Variants in FAM210B observed in about 807,000 individuals in gnomAD.
FAM210B encodes family with sequence similarity 210 member B.
Under a neutral mutation model 14.9 loss-of-function variants are expected in FAM210B, and 11 were observed. The observed-to-expected ratio is 0.74, with a 90% CI of 0.46 to 1.22. The LOEUF (loss-of-function observed/expected upper bound fraction) is 1.22. Among genes scored for constraint, FAM210B ranks in the 50% most tolerant of loss-of-function variants. The pLI is 0.00. For missense variants in FAM210B, 229 were observed against 250.1 expected (o/e 0.92, Z 0.57); for synonymous variants, 113 against 110.2 (o/e 1.03, Z -0.16).
rs180959080 is a variant in FAM210B, at chr20:56,362,096, C to T, written c.186+2905C>T. Among the ~76,000 whole-genome samples, 87 of 152,162 alleles carry T rather than the reference C, an allele frequency of 5.7e-4. No individual in the cohort carries two copies. The highest frequency in any genetic ancestry group is 2.0e-3 in the African/African-American group (83 of 41,504). ...TGTTAGGATTACAAGCATGAGTCAC[C>T]GTGCCCAGCCAATATTTTCAAAGTA... On this transcript the variant is annotated intron_variant, in intron 1 of 2. Transcript: ENST00000371384. The surrounding 1 kb of genome is among the most constrained non-coding windows in gnomAD (Gnocchi z 4.8).
rs1983478307 is a variant in FAM210B, at chr20:56,359,061, G to A, written c.56G>A (p.Arg19Gln). 7.4e-7 allele frequency: 1 copy of A among 1,355,494 alleles called. No homozygotes were observed. The highest frequency in any genetic ancestry group is 3.4e-5 in the East Asian group (1 of 29,620). 84.0% of individuals were successfully genotyped at this position (1,355,494 alleles called of 1,614,324 possible). Residue 19 changes from arginine to glutamine, a missense_variant, in exon 1 of 3, where the codon CGG (arginine) becomes CAG (glutamine). This residue lies in a region of FAM210B where 144 missense variants were observed against 132.5 expected (regional missense o/e 1.09). Transcript: ENST00000371384. The surrounding 1 kb of genome is among the most constrained non-coding windows in gnomAD (Gnocchi z 4.3). Reference sequence around the variant, plus strand: ...GCAGGCAGGGTGGGCGCCCGGGTCCGGCCTCGCGCCACCTGGCTCCTGGGC... The same window carrying A: ...GCAGGCAGGGTGGGCGCCCGGGTCCAGCCTCGCGCCACCTGGCTCCTGGGC... Reference protein sequence around the residue: ...GPAGRVGARVRPRATWLLGAT... With the variant: ...GPAGRVGARVQPRATWLLGAT...
In FAM210B at chr20:56,359,275, C is replaced by T; in HGVS notation, c.186+84C>T. The T allele has an allele frequency of 8.4e-7, 1 of 1,184,592 alleles. No individual in the cohort carries two copies. The highest frequency in any genetic ancestry group is 1.0e-6 in the Non-Finnish European group (1 of 953,186). 73.4% of individuals were successfully genotyped at this position (1,184,592 alleles called of 1,614,324 possible). A position where few individuals can be genotyped will look rare whatever the true frequency, so the allele number is the denominator to read the frequency against. Reference sequence around the variant, plus strand: ...GGGCCGCGCCGGGGTCCGGCCGCCTCCGCCAAGGACGCCTTTGCACTTGTA... The same window carrying T: ...GGGCCGCGCCGGGGTCCGGCCGCCTTCGCCAAGGACGCCTTTGCACTTGTA... On this transcript the variant is annotated intron_variant, in intron 1 of 2. Coordinates refer to ENST00000371384, the MANE Select transcript of FAM210B (RefSeq NM_080821.3). The surrounding 1 kb of genome is among the most constrained non-coding windows in gnomAD (Gnocchi z 4.3).
At position 56,362,521 on chromosome 20, in the gene FAM210B, T is replaced by C. The variant is rs997815071; in HGVS notation, c.187-2566T>C. ...CAAGTCACGCCCTCATAAATTCTTTTATTTCAGCTTCTTTAGTCTCCCCAA... is the reference window on the plus strand; with the variant it reads ...CAAGTCACGCCCTCATAAATTCTTTCATTTCAGCTTCTTTAGTCTCCCCAA... On this transcript the variant is annotated intron_variant, in intron 1 of 2. Transcript: ENST00000371384. This position sits in a 1 kb window ranked among gnomAD's most constrained non-coding sequence, Gnocchi z 4.8. Among the ~76,000 whole-genome samples the C allele has an allele frequency of 6.6e-6, 1 of 152,234 alleles. No homozygotes were observed. Among genetic ancestry groups the C allele is most frequent in the Non-Finnish European group, 1.5e-5 (1 of 68,036 alleles).
At chr20:56,364,940 T>G in intron 1 of FAM210B, 147 bp from the exon 2 acceptor site, 1 of 734,376 alleles carries the variant, frequency 1.4e-6, no homozygotes, top group Non-Finnish European at 2.1e-6. Context: ...GATGACAGAG[T>G]GAGACTCTGT....
At position 56,366,064 on chromosome 20, in the gene FAM210B, C is replaced by T. The variant is rs527596624; in HGVS notation, c.363-7C>T. 1.1e-5 allele frequency: 17 copies of T among 1,609,812 alleles called. No individual in the cohort carries two copies. In the South Asian group the frequency reaches 1.9e-4, roughly 18 times the overall value. On this transcript the variant is annotated splice_region_variant and splice_polypyrimidine_tract_variant and intron_variant, in intron 2 of 2. Transcript: ENST00000371384. ...AATAATTGTTTTCTTTGCTTCTTCC[C>T]CCCTAGTGGTGTGGACATGCCTGCA...
Position 56,359,688 on chromosome 20 carries a change from T to C in FAM210B, c.186+497T>C, listed in dbSNP as rs920514800. On this transcript the variant is annotated intron_variant, in intron 1 of 2. Transcript: ENST00000371384. This position sits in a 1 kb window ranked among gnomAD's most constrained non-coding sequence, Gnocchi z 4.3. ...TATGTTTCATTTCCGTCACTTTCCATTGGTGCTAAGTGAAAACTGGTTTTC... is the reference window on the plus strand; with the variant it reads ...TATGTTTCATTTCCGTCACTTTCCACTGGTGCTAAGTGAAAACTGGTTTTC... Among the ~76,000 whole-genome samples the C allele has an allele frequency of 1.4e-4, 21 of 152,240 alleles. No homozygotes were observed. Among genetic ancestry groups the C allele is most frequent in the Admixed American group, 1.2e-3 (18 of 15,290 alleles).
Position 56,359,262 on chromosome 20 carries a change from G to T in FAM210B, c.186+71G>T, listed in dbSNP as rs1983485055. On this transcript the variant is annotated intron_variant, in intron 1 of 2. Transcript: ENST00000371384. The surrounding 1 kb of genome is among the most constrained non-coding windows in gnomAD (Gnocchi z 4.3). ...CCAGACGTCCGCAGGGCCGCGCCGG[G>T]GTCCGGCCGCCTCCGCCAAGGACGC... The T allele has an allele frequency of 1.7e-6, 2 of 1,205,186 alleles. No individual in the cohort carries two copies. Among genetic ancestry groups the T allele is most frequent in the African/African-American group, 3.2e-5 (2 of 63,398 alleles). The allele number at this position is 1,205,186 out of a possible 1,614,324, so 74.7% of individuals were successfully genotyped here. A position where few individuals can be genotyped will look rare whatever the true frequency, so the allele number is the denominator to read the frequency against.
In FAM210B at chr20:56,365,280, AATTAAT is replaced by A. The variant is rs1305477312; in HGVS notation, c.362+22_362+27del. On this transcript the variant is annotated intron_variant, in intron 2 of 2. Coordinates refer to ENST00000371384, the MANE Select transcript of FAM210B (RefSeq NM_080821.3). Reference sequence around the variant, plus strand: ...GTGTCAAGGTAAGATTTTTGACAGTAATTAATATTTGTTTTTTACTGTCATGTAAGA... The same window carrying A: ...GTGTCAAGGTAAGATTTTTGACAGTAATTTGTTTTTTACTGTCATGTAAGA... 6.2e-7 allele frequency: 1 copy of A among 1,603,086 alleles called. No homozygotes were observed.
chr20:56,364,080 G>A (rs139607043), intron 1 of FAM210B, among the ~76,000 whole-genome samples: 3 of 152,308 alleles, frequency 2.0e-5, no homozygotes, highest in Admixed American at 1.3e-4. Flanking sequence ...GAAAATGCTT[G>A]ATAAAGGATC....
Position 56,368,384 on chromosome 20 carries a change from G to A in FAM210B, c.*2097G>A, listed in dbSNP as rs1983697000. 6.6e-6 allele frequency: 1 copy of A among 152,070 alleles called. No individual in the cohort carries two copies. The highest frequency in any genetic ancestry group is 2.1e-4 in the South Asian group (1 of 4,800). The allele number at this position is 152,070 out of a possible 1,614,324, so 9.4% of individuals were successfully genotyped here. On this transcript the variant is annotated 3_prime_UTR_variant, in exon 3 of 3. Transcript: ENST00000371384. Reference sequence around the variant, plus strand: ...TGATGGTGAAACCTACAGGTTTAAGGGCTTAAATCTCAAACTTTGTTAGGA... The same window carrying A: ...TGATGGTGAAACCTACAGGTTTAAGAGCTTAAATCTCAAACTTTGTTAGGA...
In FAM210B at chr20:56,363,454, T is replaced by TA. The variant is rs1330190571; in HGVS notation, c.187-1627dup. On this transcript the variant is annotated intron_variant, in intron 1 of 2. Coordinates refer to ENST00000371384, the MANE Select transcript of FAM210B (RefSeq NM_080821.3). The surrounding 1 kb of genome is among the most constrained non-coding windows in gnomAD (Gnocchi z 4.1). ...CACTGAGGGTTTTCCTCAAATGTTC[T>TA]AAAAAATCTTATGCCTCTAAAAATA... Among the ~76,000 whole-genome samples the TA allele has an allele frequency of 6.6e-6, 1 of 152,164 alleles. No individual in the cohort carries two copies. The highest frequency in any genetic ancestry group is 1.9e-4 in the East Asian group (1 of 5,194).
In FAM210B at chr20:56,367,008, G is replaced by C. The variant is rs1983650275; in HGVS notation, c.*721G>C. The C allele has an allele frequency of 6.6e-6, 1 of 152,452 alleles. No individual in the cohort carries two copies. Among genetic ancestry groups the C allele is most frequent in the African/African-American group, 2.4e-5 (1 of 41,436 alleles). The allele number at this position is 152,452 out of a possible 1,614,324, so 9.4% of individuals were successfully genotyped here. A position where few individuals can be genotyped will look rare whatever the true frequency, so the allele number is the denominator to read the frequency against. On this transcript the variant is annotated 3_prime_UTR_variant, in exon 3 of 3. Transcript: ENST00000371384. Reference sequence around the variant, plus strand: ...CTGCCCAGTAGCAGTGGCATCGCTTGGTTCCTGATGCCCATGTTCCAGAGG... The same window carrying C: ...CTGCCCAGTAGCAGTGGCATCGCTTCGTTCCTGATGCCCATGTTCCAGAGG...
In FAM210B at chr20:56,360,581, CGTT is replaced by C. The variant is rs1344479859; in HGVS notation, c.186+1391_186+1393del. ...CAGGCCCCTCATCTGTAAAATGGGA[CGTT>C]AATAATTCAGACTTCATAGAATATG... On this transcript the variant is annotated intron_variant, in intron 1 of 2. Coordinates refer to ENST00000371384, the MANE Select transcript of FAM210B (RefSeq NM_080821.3). 3 of 198,066 alleles carry C rather than the reference CGTT, an allele frequency of 1.5e-5. No individual in the cohort carries two copies. In the East Asian group the frequency reaches 3.9e-4, roughly 25 times the overall value. 12.3% of individuals were successfully genotyped at this position (198,066 alleles called of 1,614,324 possible). A position where few individuals can be genotyped will look rare whatever the true frequency, so the allele number is the denominator to read the frequency against.
chr20:56,362,506 C>A lies in FAM210B; in HGVS notation c.187-2581C>A, dbSNP rs970172530. On this transcript the variant is annotated intron_variant, in intron 1 of 2. Transcript: ENST00000371384. The surrounding 1 kb of genome is among the most constrained non-coding windows in gnomAD (Gnocchi z 4.8). The stretch of plus-strand genomic sequence containing the variant: ...ATTTTCCATTGCCTGCAAGTCACGC[C>A]CTCATAAATTCTTTTATTTCAGCTT... Among the ~76,000 whole-genome samples, 7 of 152,098 alleles carry A rather than the reference C, an allele frequency of 4.6e-5. No homozygotes were observed. The highest frequency in any genetic ancestry group is 1.7e-4 in the African/African-American group (7 of 41,390).
intron 2 of FAM210B, among the ~76,000 whole-genome samples, chr20:56,365,708 G>C (rs1983620320): frequency 6.6e-6 from 1 of 152,216 alleles, no homozygotes; most frequent in African/African-American, 2.4e-5. Flanking sequence ...GTTTCACCCT[G>C]TTGGCCAGGA....
intron 1 of FAM210B, chr20:56,360,330 G>T: frequency 2.2e-6 from 1 of 447,358 alleles, no homozygotes. Flanking sequence ...GGTCTCGGAT[G>T]CCTCCACTGG....
At position 56,366,392 on chromosome 20, in the gene FAM210B, G is replaced by C; in HGVS notation, c.*105G>C. On this transcript the variant is annotated 3_prime_UTR_variant, in exon 3 of 3. Coordinates refer to ENST00000371384, the MANE Select transcript of FAM210B (RefSeq NM_080821.3). Reference sequence around the variant, plus strand: ...GTAGGGTTTCTTTTGGAGAGGTAGGGGGCTAATTGCTATGTTCTCATGGAT... The same window carrying C: ...GTAGGGTTTCTTTTGGAGAGGTAGGCGGCTAATTGCTATGTTCTCATGGAT... The C allele has an allele frequency of 9.6e-7, 1 of 1,037,198 alleles. No individual in the cohort carries two copies. The highest frequency in any genetic ancestry group is 1.6e-5 in the South Asian group (1 of 64,450). The allele number at this position is 1,037,198 out of a possible 1,614,324, so 64.2% of individuals were successfully genotyped here.
rs752806302 is a variant in FAM210B, at chr20:56,366,104, C to A, written c.396C>A (p.Leu132=). The change falls in exon 3 of 3, where the codon CTC becomes CTA. Residue 132 remains leucine, a synonymous_variant. Coordinates refer to ENST00000371384, the MANE Select transcript of FAM210B (RefSeq NM_080821.3). The stretch of plus-strand genomic sequence containing the variant: ...ACATGCCTGCAATCCTGCTGAAACT[C>A]GGATTTAAAGAGTCCCTGGTACAGT... The part of the protein sequence containing the change: ...GVDMPAILLK[L]GFKESLVQSK... 5 of 1,614,118 alleles carry A rather than the reference C, an allele frequency of 3.1e-6. No individual in the cohort carries two copies. In the South Asian group the frequency reaches 4.4e-5, roughly 14 times the overall value.
At chr20:56,361,144 G>A (rs1035769419) in intron 1 of FAM210B, among the ~76,000 whole-genome samples, 1 of 152,168 alleles carries the variant, frequency 6.6e-6, no homozygotes, top group East Asian at 1.9e-4. Context: ...TTCCAGGGAC[G>A]TAGGGGGAGT....
Sources: gnomAD v4.1 joint callset for allele counts (sites outside exome capture counted in the v4.1 genomes callset) on GRCh38, gnomAD v4.1.1 for gene constraint, gnomAD v4.1.1 regional missense constraint, Gnocchi (gnomAD v3.1) non-coding constraint, MANE v1.5 for transcripts, NCBI Gene and HGNC (gene_info 2026-07-23, HGNC 2026-07-21) for gene names.